MOB3B: variants seen among roughly 807,000 people sequenced by gnomAD.
MOB3B encodes MOB kinase activator-like 2B.
A neutral mutation model predicts 18.7 loss-of-function variants in MOB3B; 7 were observed. The ratio of observed to expected loss-of-function variants is 0.37; its 90% CI spans 0.21 to 0.70. The LOEUF is 0.70. MOB3B is among the 30% of genes least tolerant of loss of function. The pLI, the probability that MOB3B is intolerant of heterozygous loss-of-function variation, is 0.52. For synonymous variants in MOB3B, 111 were observed against 99.9 expected, an observed-to-expected ratio of 1.11 and a Z score of -0.66; for missense variants, 253 against 281.3, an observed-to-expected ratio of 0.90 and a Z score of 0.72.
At chr9:27,372,030 A>C (rs1001241187) in intron 2 of MOB3B, among the ~76,000 whole-genome samples, 4 of 152,218 alleles carry the variant, frequency 2.6e-5, no homozygotes, top group Admixed American at 2.0e-4. Context: ...GGAAAGAAAA[A>C]CACTCTCGTA....
At chr9:27,386,606 A>G (rs999729897) in intron 2 of MOB3B, among the ~76,000 whole-genome samples, 6 of 152,222 alleles carry the variant, frequency 3.9e-5, no homozygotes, top group African/African-American at 1.4e-4. Context: ...TTCAAAATCT[A>G]TATATGTAGC....
chr9:27,334,039 T>C (rs1820828465), intron 3 of MOB3B, among the ~76,000 whole-genome samples: 2 of 152,230 alleles, frequency 1.3e-5, no homozygotes, highest in African/African-American at 4.8e-5. Flanking sequence ...CTTGGGTATC[T>C]CCATCACTTT....
intron 2 of MOB3B, among the ~76,000 whole-genome samples, chr9:27,373,857 G>A (rs776441038): frequency 2.0e-5 from 3 of 152,164 alleles, no homozygotes; most frequent in African/African-American, 4.8e-5. Flanking sequence ...GCCAAAAGCC[G>A]CCTCCTCTAC....
At chr9:27,486,668 T>C (rs1038603785) in intron 1 of MOB3B, among the ~76,000 whole-genome samples, 1 of 152,206 alleles carries the variant, frequency 6.6e-6, no homozygotes, top group Admixed American at 6.5e-5. Context: ...TCTGGCCTTC[T>C]AGAGATGAGA....
intron 2 of MOB3B, among the ~76,000 whole-genome samples, chr9:27,375,867 C>T (rs1308971269): frequency 6.6e-6 from 1 of 152,160 alleles, no homozygotes; most frequent in African/African-American, 2.4e-5. Context: ...TCTACAAATG[C>T]ATGCTTTGTA....
At chr9:27,374,169 C>T (rs894533949) in intron 2 of MOB3B, among the ~76,000 whole-genome samples, 1 of 151,894 alleles carries the variant, frequency 6.6e-6, no homozygotes, top group African/African-American at 2.4e-5. Flanking sequence ...CTGCCCAATT[C>T]ATGAATAATT....
At chr9:27,417,375 GA>G (rs1184181824) in intron 2 of MOB3B, among the ~76,000 whole-genome samples, 4 of 123,608 alleles carry the variant, frequency 3.2e-5, no homozygotes, top group Admixed American at 2.0e-4. Context: ...AAAACAAAAG[GA>G]AACAAAACAA....
intron 1 of MOB3B, among the ~76,000 whole-genome samples, chr9:27,510,963 C>G (rs1007757705): frequency 6.6e-6 from 1 of 152,144 alleles, no homozygotes; most frequent in Non-Finnish European, 1.5e-5. Flanking sequence ...TGAATTCCAG[C>G]CACACCCTGG....
At chr9:27,479,588 A>G (rs1488727332) in intron 1 of MOB3B, among the ~76,000 whole-genome samples, 1 of 152,206 alleles carries the variant, frequency 6.6e-6, no homozygotes, top group Non-Finnish European at 1.5e-5. Context: ...AAGCAATGAT[A>G]AGCAAAGAAG....
intron 1 of MOB3B, among the ~76,000 whole-genome samples, chr9:27,522,262 A>G (rs866547123): frequency 2.1e-3 from 271 of 126,054 alleles, no homozygotes; most frequent in South Asian, 6.0e-3. Flanking sequence ...AAAAAAAAAA[A>G]AAAAGAAAAG....
chr9:27,483,421 C>G (rs1033862582), intron 1 of MOB3B, among the ~76,000 whole-genome samples: 2 of 152,050 alleles, frequency 1.3e-5, no homozygotes, highest in African/African-American at 4.8e-5. Flanking sequence ...CGTGAGCCAC[C>G]GCGCCCGGCC....
At chr9:27,433,017 T>G (rs1822439152) in intron 2 of MOB3B, among the ~76,000 whole-genome samples, 1 of 152,216 alleles carries the variant, frequency 6.6e-6, no homozygotes, top group Non-Finnish European at 1.5e-5. Flanking sequence ...ATATTATCTT[T>G]TCTTTAAGAA....
chr9:27,370,899 T>G (rs187539603), intron 2 of MOB3B, among the ~76,000 whole-genome samples: 1 of 152,144 alleles, frequency 6.6e-6, no homozygotes, highest in Non-Finnish European at 1.5e-5. Flanking sequence ...AAGATCTCCA[T>G]GGAATTGCTA....
At chr9:27,383,060 G>C (rs1019415007) in intron 2 of MOB3B, among the ~76,000 whole-genome samples, 8 of 152,172 alleles carry the variant, frequency 5.3e-5, no homozygotes, top group South Asian at 2.1e-4. Context: ...TCCATCAATA[G>C]ACACTTATTG....
Position 27,448,938 on chromosome 9 carries a change from G to A in MOB3B, c.418+6195C>T, listed in dbSNP as rs565643635. Among the ~76,000 whole-genome samples the A allele has an allele frequency of 3.9e-5, 6 of 152,282 alleles. 1 individual carries two copies. The highest frequency in any genetic ancestry group is 3.3e-4 in the Admixed American group (5 of 15,290). On this transcript the variant is annotated intron_variant, in intron 2 of 3. Coordinates refer to ENST00000262244, the MANE Select transcript of MOB3B (RefSeq NM_024761.5). Reference sequence around the variant, plus strand: ...ACCTTGCCCAACGTTATTTTAATGAGTAGCTTATCCCAGATGTGACTAATA... The same window carrying A: ...ACCTTGCCCAACGTTATTTTAATGAATAGCTTATCCCAGATGTGACTAATA...
chr9:27,341,020 T>C (rs1820932836), intron 3 of MOB3B, among the ~76,000 whole-genome samples: 1 of 152,210 alleles, frequency 6.6e-6, no homozygotes. Context: ...CATGGCCCAA[T>C]GCCCCCTGTA....
At chr9:27,423,783 CTGAT>C (rs1260088827) in intron 2 of MOB3B, among the ~76,000 whole-genome samples, 5 of 152,170 alleles carry the variant, frequency 3.3e-5, no homozygotes, top group African/African-American at 1.2e-4. Context: ...AATGAATAAA[CTGAT>C]TGAGACTTTA....
intron 3 of MOB3B, among the ~76,000 whole-genome samples, chr9:27,338,604 C>G (rs187955015): frequency 4.7e-4 from 71 of 152,252 alleles, no homozygotes; most frequent in Middle Eastern, 6.8e-3. Context: ...ACAAAACATC[C>G]CAAACAACTC....
At chr9:27,494,088 T>G (rs1190180645) in intron 1 of MOB3B, among the ~76,000 whole-genome samples, 2 of 152,048 alleles carry the variant, frequency 1.3e-5, no homozygotes, top group Non-Finnish European at 2.9e-5. Flanking sequence ...AGGGGTGAAA[T>G]AGACCCCAGT....
Sources: allele counts gnomAD v4.1 joint callset (sites outside exome capture counted in the v4.1 genomes callset), GRCh38; gene constraint gnomAD v4.1.1; transcripts MANE v1.5; gene names NCBI Gene and HGNC (gene_info 2026-07-23, HGNC 2026-07-21).